The following EEFSEC variants were observed in gnomAD, a reference collection of about 807,000 sequenced individuals.
EEFSEC encodes the protein eukaryotic elongation factor, selenocysteine-tRNA specific.
Under a neutral mutation model 42.1 loss-of-function variants are expected in EEFSEC, and 43 were observed. The ratio of observed to expected loss-of-function variants is 1.02; its 90% CI spans 0.80 to 1.32. EEFSEC has a LOEUF of 1.32. Among genes scored for constraint, EEFSEC ranks in the 40% most tolerant of loss-of-function variants. EEFSEC has a pLI of 0.00. For synonymous variants in EEFSEC, 354 were observed against 339.1 expected (o/e 1.04, Z -0.48); for missense variants, 745 against 803.6 (o/e 0.93, Z 0.88).
intron 2 of EEFSEC, among the ~76,000 whole-genome samples, chr3:128,250,007 T>C (rs754238029): frequency 1.9e-4 from 29 of 152,240 alleles, no homozygotes; most frequent in Non-Finnish European, 4.0e-4. Context: ...ACTAATGATA[T>C]TGAGCATCTT....
intron 6 of EEFSEC, among the ~76,000 whole-genome samples, chr3:128,394,564 T>C (rs1165390112): frequency 6.6e-6 from 1 of 152,222 alleles, no homozygotes; most frequent in Non-Finnish European, 1.5e-5. Context: ...GTTATCTTAG[T>C]TTCTGCTCTA....
chr3:128,183,718 A>G lies in EEFSEC; in HGVS notation c.316+29895A>G, dbSNP rs554116458. 1.2e-4 allele frequency among the ~76,000 whole-genome samples: 18 copies of G among 152,282 alleles called. No individual in the cohort carries two copies. In the East Asian group the frequency reaches 3.5e-3, roughly 29 times the overall value. On this transcript the variant is annotated intron_variant, in intron 1 of 6. Coordinates refer to ENST00000254730, the MANE Select transcript of EEFSEC (RefSeq NM_021937.5). ...ACTGCCTGGTGGATAGCGGGTCCTC[A>G]GTTGATGTGTTGTTGTCTTTTTCTT...
the EEFSEC span, among the ~76,000 whole-genome samples, chr3:128,423,775 T>C: frequency 6.6e-6 from 1 of 152,342 alleles, no homozygotes; most frequent in East Asian, 1.9e-4. Flanking sequence ...TCTGTAAACA[T>C]ACAGAAGTTT....
chr3:128,256,724 G>A (rs1213510663), intron 2 of EEFSEC, among the ~76,000 whole-genome samples: 1 of 152,144 alleles, frequency 6.6e-6, no homozygotes, highest in East Asian at 1.9e-4. Flanking sequence ...TCTGAATACA[G>A]TTAAGTAAGC....
rs144394212 is a variant in EEFSEC, at chr3:128,178,294, A to C, written c.316+24471A>C. Among the ~76,000 whole-genome samples the C allele has an allele frequency of 1.8e-3, 281 of 152,246 alleles. 2 individuals carry two copies. The highest frequency in any genetic ancestry group is 6.5e-3 in the African/African-American group (269 of 41,550). On this transcript the variant is annotated intron_variant, in intron 1 of 6. Transcript: ENST00000254730. ...GAAACATTTAAATACCTTTTTTCTCATGAAAATTTCTAGCATATAAAGTGA... is the reference window on the plus strand; with the variant it reads ...GAAACATTTAAATACCTTTTTTCTCCTGAAAATTTCTAGCATATAAAGTGA...
At chr3:128,209,901 T>C (rs1372638723) in intron 1 of EEFSEC, among the ~76,000 whole-genome samples, 1 of 152,246 alleles carries the variant, frequency 6.6e-6, no homozygotes, top group Non-Finnish European at 1.5e-5. Context: ...TTAATAATTT[T>C]CTTACAATAT....
chr3:128,208,193 G>A (rs1026486025), intron 1 of EEFSEC, among the ~76,000 whole-genome samples: 1 of 152,180 alleles, frequency 6.6e-6, no homozygotes, highest in Admixed American at 6.5e-5. Context: ...AGCACAGGCT[G>A]GTCTCTGCCT....
intron 4 of EEFSEC, among the ~76,000 whole-genome samples, chr3:128,284,023 C>G (rs2066557267): frequency 6.6e-6 from 1 of 152,228 alleles, no homozygotes; most frequent in African/African-American, 2.4e-5. Flanking sequence ...CATGTATCAG[C>G]CTCCCTCCAG....
rs6801827 is a variant in EEFSEC, at chr3:128,243,834, C to T, written c.317-3002C>T. On this transcript the variant is annotated intron_variant, in intron 1 of 6. Coordinates refer to ENST00000254730, the MANE Select transcript of EEFSEC (RefSeq NM_021937.5). ...CCACTGGGCAGGGCGGGCTGTGTGG[C>T]GTGGGAGTTAAGAACCTGGGCACCA... 6.1e-3 allele frequency among the ~76,000 whole-genome samples: 923 copies of T among 152,198 alleles called. 13 individuals carry two copies. Among genetic ancestry groups the T allele is most frequent in the African/African-American group, 0.021 (876 of 41,536 alleles).
the EEFSEC span, among the ~76,000 whole-genome samples, chr3:128,425,173 T>G: frequency 6.6e-6 from 1 of 152,204 alleles, no homozygotes; most frequent in Non-Finnish European, 1.5e-5. Flanking sequence ...TTCATGCCCC[T>G]GTGAAAGCAC....
chr3:128,350,165 C>G (rs1344988229), intron 5 of EEFSEC, among the ~76,000 whole-genome samples: 1 of 152,248 alleles, frequency 6.6e-6, no homozygotes, highest in Non-Finnish European at 1.5e-5. Context: ...TGCCTCCTGG[C>G]TCCTGGCTCT....
intron 1 of EEFSEC, among the ~76,000 whole-genome samples, chr3:128,234,557 T>A (rs1004195189): frequency 6.6e-6 from 1 of 152,192 alleles, no homozygotes; most frequent in African/African-American, 2.4e-5. Context: ...TGCGAGGACA[T>A]TTCCATGGAT....
At chr3:128,380,352 A>G (rs1346061242) in intron 6 of EEFSEC, among the ~76,000 whole-genome samples, 1 of 152,234 alleles carries the variant, frequency 6.6e-6, no homozygotes, top group Non-Finnish European at 1.5e-5. Context: ...AACTTTCACC[A>G]TACAGAGTAC....
chr3:128,176,121 CTT>C (rs1176399218), intron 1 of EEFSEC, among the ~76,000 whole-genome samples: 4 of 151,922 alleles, frequency 2.6e-5, no homozygotes, highest in African/African-American at 9.7e-5. Context: ...TTTAATATGA[CTT>C]AAGTTTTAAT....
chr3:128,414,031 C>T, the EEFSEC span, among the ~76,000 whole-genome samples: 19 of 152,244 alleles, frequency 1.2e-4, no homozygotes, highest in African/African-American at 4.6e-4. Flanking sequence ...CAGCTCCGAC[C>T]CGCCTGTCTT....
chr3:128,283,451 T>C (rs535199280), intron 4 of EEFSEC, among the ~76,000 whole-genome samples: 1 of 152,258 alleles, frequency 6.6e-6, no homozygotes, highest in Non-Finnish European at 1.5e-5. Context: ...GTCAGTACTG[T>C]CTCCTTCCAT....
intron 1 of EEFSEC, among the ~76,000 whole-genome samples, chr3:128,209,970 C>A (rs540831721): frequency 8.5e-5 from 13 of 152,298 alleles, no homozygotes; most frequent in Non-Finnish European, 1.5e-4. Flanking sequence ...TTGCTCTGGG[C>A]AGTGGGGAAC....
intron 6 of EEFSEC, among the ~76,000 whole-genome samples, chr3:128,366,429 T>G (rs193214861): frequency 1.6e-4 from 24 of 152,330 alleles, no homozygotes; most frequent in Non-Finnish European, 2.6e-4. Flanking sequence ...GACCACTCAA[T>G]CCTGCCAGCA....
chr3:128,368,203 A>G (rs906060305), intron 6 of EEFSEC, among the ~76,000 whole-genome samples: 3 of 152,218 alleles, frequency 2.0e-5, no homozygotes, highest in Non-Finnish European at 4.4e-5. Flanking sequence ...AGGCTGAGGC[A>G]AGCGGATCAC....
Sources: gnomAD v4.1 joint callset for allele counts (sites outside exome capture counted in the v4.1 genomes callset) on GRCh38, gnomAD v4.1.1 for gene constraint, MANE v1.5 for transcripts, NCBI Gene and HGNC (gene_info 2026-07-23, HGNC 2026-07-21) for gene names.